EPHB4: variants seen among roughly 807,000 people sequenced by gnomAD.
EPHB4 encodes the protein ephrin type-B receptor 4.
EPHB4 carries 50 observed loss-of-function variants against 110.6 expected under a neutral mutation model. That is an observed-to-expected ratio of 0.45 (90% CI 0.36 to 0.57). The LOEUF (loss-of-function observed/expected upper bound fraction) is 0.57. Among genes scored for constraint, EPHB4 ranks in the 20% least tolerant of loss-of-function variants. EPHB4 has a pLI of 0.00. For missense variants in EPHB4, 1,128 were observed against 1,382.1 expected (o/e 0.82, Z 2.91); for synonymous variants, 592 against 578.4 (o/e 1.02, Z -0.34).
chr7:100,824,309 G>C (rs1373669678), intron 1 of EPHB4, 36 bp from the exon 2 acceptor site: 23 of 1,609,532 alleles, frequency 1.4e-5, no homozygotes, highest in Non-Finnish European at 2.0e-5. Context: ...AGTGCCTGGG[G>C]TGGGGGAGGG....
chr7:100,824,463 C>G, intron 1 of EPHB4, 190 bp from the exon 2 acceptor site: 1 of 603,036 alleles, frequency 1.7e-6, no homozygotes, highest in Admixed American at 2.9e-5. Flanking sequence ...GTGCCAACCC[C>G]ACCCCCAACA....
At chr7:100,804,855 C>T (rs370489024) in intron 16 of EPHB4, among the ~76,000 whole-genome samples, 4 of 152,134 alleles carry the variant, frequency 2.6e-5, no homozygotes, top group Non-Finnish European at 5.9e-5. Context: ...ACATTGTTAC[C>T]GTGAGAGCCG....
At chr7:100,809,800 C>A (rs1476175058) in intron 12 of EPHB4, among the ~76,000 whole-genome samples, 1 of 152,170 alleles carries the variant, frequency 6.6e-6, no homozygotes, top group Non-Finnish European at 1.5e-5. Context: ...AGGTGTGTGT[C>A]ACTGAACCTT....
intron 4 of EPHB4, 111 bp from the exon 5 acceptor site, chr7:100,820,407 G>C: frequency 1.5e-6 from 2 of 1,369,356 alleles, no homozygotes; most frequent in Non-Finnish European, 9.7e-7. Context: ...GAGGCTGGAG[G>C]ATCGCTTGAG....
Position 100,806,474 on chromosome 7 carries a change from C to T in EPHB4, c.2430G>A (p.Met810Ile), listed in dbSNP as rs199910843. The change falls in exon 14 of 17, where the codon ATG becomes ATA. Residue 810 changes from methionine to isoleucine, a missense_variant. This residue lies in a region of EPHB4 where 191 missense variants were observed against 313.0 expected (regional missense o/e 0.61). Transcript: ENST00000358173. ...ASDAWSYGIV[M>I]WEVMSFGERP... ...TCTCCCCAAATGACATCACCTCCCA[C>T]ATCACAATCCCGTAACTCCAGGCAT... The T allele has an allele frequency of 3.7e-6, 6 of 1,614,154 alleles. No individual in the cohort carries two copies. Among genetic ancestry groups the T allele is most frequent in the Non-Finnish European group, 3.4e-6 (4 of 1,180,026 alleles).
chr7:100,815,309 C>T (rs1034843987), intron 8 of EPHB4, among the ~76,000 whole-genome samples: 1 of 151,756 alleles, frequency 6.6e-6, no homozygotes, highest in African/African-American at 2.4e-5. Flanking sequence ...GGTGACAGAG[C>T]GAGACCCTGT....
rs553752911 is a variant in EPHB4 at position 100,813,130 on chromosome 7, A to G, written c.1835T>C (p.Val612Ala). ...AVREFAKEIDVSYVKIEEVIG... is the reference protein window; with the variant it reads ...AVREFAKEIDASYVKIEEVIG... ...CACCTCTTCAATCTTGACGTAGGAG[A>G]CATCGATCTCTTTTGCAAATTCCCT... Residue 612 changes from valine (V) to alanine (A), a missense_variant, in exon 11 of 17, where the codon GTC (valine) becomes GCC (alanine). Physicochemically the swap from Val to Ala is moderately conservative, Grantham distance 64 (BLOSUM62 0). This residue lies in a region of EPHB4 where 191 missense variants were observed against 313.0 expected (regional missense o/e 0.61). Coordinates refer to ENST00000358173, the MANE Select transcript of EPHB4 (RefSeq NM_004444.5). 13 of 1,612,620 alleles carry G rather than the reference A, an allele frequency of 8.1e-6. No homozygotes were observed. The South Asian group carries it at 1.2e-4, about 15-fold the overall frequency.
Position 100,824,073 on chromosome 7 carries a change from C to T in EPHB4, c.123+130G>A, listed in dbSNP as rs536703350. 1.0e-4 allele frequency: 156 copies of T among 1,520,802 alleles called. No individual in the cohort carries two copies. In the African/African-American group the frequency reaches 1.4e-3, roughly 13 times the overall value. 94.2% of individuals were successfully genotyped at this position (1,520,802 alleles called of 1,614,324 possible). A position where few individuals can be genotyped will look rare whatever the true frequency, so the allele number is the denominator to read the frequency against. Reference sequence around the variant, plus strand: ...AGGGCGCCTCTGAGAAGGGCTCAGACGACACTGCTGGGGCTGCTGTCATCT... The same window carrying T: ...AGGGCGCCTCTGAGAAGGGCTCAGATGACACTGCTGGGGCTGCTGTCATCT... On this transcript the variant is annotated intron_variant, in intron 2 of 16. Transcript: ENST00000358173.
chr7:100,820,892 G>A (rs1412796957), intron 4 of EPHB4: 1 of 151,600 alleles, frequency 6.6e-6, no homozygotes, highest in Non-Finnish European at 1.5e-5. Flanking sequence ...TTCCTGAGAA[G>A]GAGGCCAAAG....
chr7:100,810,511 GA>G (rs2116425771), intron 12 of EPHB4, among the ~76,000 whole-genome samples: 1 of 152,020 alleles, frequency 6.6e-6, no homozygotes, highest in African/African-American at 2.4e-5. Context: ...AGAGGTTAAG[GA>G]GGGAGGATCG....
In EPHB4 at chr7:100,824,286, G is replaced by T. The variant is rs182407952; in HGVS notation, c.53-13C>A. 3.2e-5 allele frequency: 51 copies of T among 1,613,938 alleles called. No homozygotes were observed. The African/African-American group carries it at 5.6e-4, about 18-fold the overall frequency. ...TTCAGCAGGGTCTCTGAGACAGACA[G>T]AGAGACAGAGTCAGTGCCTGGGGTG... On this transcript the variant is annotated splice_polypyrimidine_tract_variant and intron_variant, in intron 1 of 16. Transcript: ENST00000358173.
intron 7 of EPHB4, among the ~76,000 whole-genome samples, chr7:100,818,301 C>T (rs1402943081): frequency 6.6e-6 from 1 of 152,214 alleles, no homozygotes; most frequent in Non-Finnish European, 1.5e-5. Flanking sequence ...CGCACCCAAC[C>T]TCAGCCACTG....
intron 4 of EPHB4, 195 bp from the exon 5 acceptor site, chr7:100,820,491 T>G: frequency 1.9e-6 from 1 of 527,294 alleles, no homozygotes; most frequent in Non-Finnish European, 3.1e-6. Flanking sequence ...AATTCCAGCT[T>G]CTTTTAAGGC....
chr7:100,826,947 C>A, intron 1 of EPHB4, 32 bp downstream of exon 1: 1 of 1,515,696 alleles, frequency 6.6e-7, no homozygotes, highest in South Asian at 1.2e-5. Flanking sequence ...CCAGGAGTGA[C>A]GGGGTGCGCC....
At chr7:100,811,505 G>A (rs1359223593) in intron 12 of EPHB4, among the ~76,000 whole-genome samples, 1 of 152,082 alleles carries the variant, frequency 6.6e-6, no homozygotes, top group African/African-American at 2.4e-5. Context: ...TTTGCCGTGT[G>A]TATAGCTTTA....
At position 100,823,876 on chromosome 7, in the gene EPHB4, A is replaced by G; in HGVS notation, c.179T>C (p.Val60Ala). 6 of 1,611,144 alleles carry G rather than the reference A, an allele frequency of 3.7e-6. No individual in the cohort carries two copies. Among genetic ancestry groups the G allele is most frequent in the East Asian group, 2.2e-5 (1 of 44,786 alleles). Reference protein sequence around the residue: ...EEQHSVRTYEVCDVQRAPGQA... With the variant: ...EEQHSVRTYEACDVQRAPGQA... ...GCCCGGGGCACGCTGCACGTCACAC[A>G]CTTCGTAGGTGCGCACGCTGTGCTG... Residue 60 changes from valine (V) to alanine (A), a missense_variant, in exon 3 of 17, where the codon GTG becomes GCG. By Grantham distance (64) the Val-to-Ala change is moderately conservative (BLOSUM62 0). Coordinates refer to ENST00000358173, the MANE Select transcript of EPHB4 (RefSeq NM_004444.5).
Position 100,818,580 on chromosome 7 carries a change from C to A in EPHB4, c.1362G>T (p.Trp454Cys). The A allele has an allele frequency of 6.2e-7, 1 of 1,613,814 alleles. No homozygotes were observed. Among genetic ancestry groups the A allele is most frequent in the East Asian group, 2.2e-5 (1 of 44,860 alleles). ...RSSPSSLSLA[W>C]AVPRAPSGAV... is the part of the protein sequence containing the mutation. ...CCCCACTGGGTGCCCGGGGAACAGC[C>A]CAGGCCAGGCTCAAGCTGCTGGGTG... The change falls in exon 7 of 17, where the codon TGG becomes TGT. Residue 454 changes from tryptophan to cysteine, a missense_variant. By Grantham distance (215) the Trp-to-Cys change is radical. This residue lies in a region of EPHB4 where 728 missense variants were observed against 828.6 expected (regional missense o/e 0.88). Transcript: ENST00000358173.
chr7:100,804,297 C>A (rs1812764576), intron 16 of EPHB4, among the ~76,000 whole-genome samples: 1 of 148,334 alleles, frequency 6.7e-6, no homozygotes, highest in Non-Finnish European at 1.5e-5. Context: ...CACCACCTGG[C>A]CTTCACATTT....
At chr7:100,817,963 T>G (rs893066307) in intron 7 of EPHB4, among the ~76,000 whole-genome samples, 1 of 134,714 alleles carries the variant, frequency 7.4e-6, no homozygotes, top group South Asian at 2.6e-4. Flanking sequence ...GCCTCCTGGG[T>G]TCACGCCATT....
Sources: allele counts gnomAD v4.1 joint callset (sites outside exome capture counted in the v4.1 genomes callset), GRCh38; gene constraint gnomAD v4.1.1; regional missense constraint gnomAD v4.1.1; transcripts MANE v1.5; gene names NCBI Gene and HGNC (gene_info 2026-07-23, HGNC 2026-07-21).